KCNT1: variants seen among roughly 807,000 people sequenced by gnomAD.
The protein encoded by KCNT1 is potassium sodium-activated channel subfamily T member 1.
A neutral mutation model predicts 147.8 loss-of-function variants in KCNT1; 78 were observed. The ratio of observed to expected loss-of-function variants is 0.53; its 90% CI spans 0.44 to 0.64. The LOEUF is 0.64. KCNT1 is among the 30% of genes least tolerant of loss of function. The pLI is 0.00. For synonymous variants in KCNT1, 867 were observed against 748.8 expected, an observed-to-expected ratio of 1.16 and a Z score of -2.58; for missense variants, 1,419 against 1,750.3, an observed-to-expected ratio of 0.81 and a Z score of 3.38.
At position 135,794,480 on chromosome 9, in the gene KCNT1, C is replaced by G. The variant is rs1397771303; in HGVS notation, c.*2319C>G. On this transcript the variant is annotated 3_prime_UTR_variant, in exon 31 of 31. Coordinates refer to ENST00000371757, the MANE Select transcript of KCNT1 (RefSeq NM_020822.3). Reference sequence around the variant, plus strand: ...TAATGAGGCCACTTCGGGTCCAGCCCTGGACATCCGAGGAGGAGGCGGGCA... The same window carrying G: ...TAATGAGGCCACTTCGGGTCCAGCCGTGGACATCCGAGGAGGAGGCGGGCA... 6.6e-6 allele frequency: 1 copy of G among 152,270 alleles called. No homozygotes were observed. The highest frequency in any genetic ancestry group is 2.4e-5 in the African/African-American group (1 of 41,474). The allele number at this position is 152,270 out of a possible 1,614,324, so 9.4% of individuals were successfully genotyped here.
At chr9:135,784,492 T>TC in intron 25 of KCNT1, 43 bp from the exon 26 acceptor site, 4 of 138,342 alleles carry the variant, frequency 2.9e-5, no homozygotes, top group South Asian at 6.7e-5. Flanking sequence ...GCTCCCTCCC[T>TC]CCCTCCCTCC....
chr9:135,703,873 GC>G (rs1435599230), intron 1 of KCNT1, among the ~76,000 whole-genome samples: 1 of 152,198 alleles, frequency 6.6e-6, no homozygotes, highest in Non-Finnish European at 1.5e-5. Context: ...CTGCCCACCG[GC>G]CCGGGACAGC....
intron 24 of KCNT1, among the ~76,000 whole-genome samples, chr9:135,781,782 G>T (rs545519293): frequency 6.6e-6 from 1 of 152,156 alleles, no homozygotes; most frequent in South Asian, 2.1e-4. Flanking sequence ...TGGCATACAC[G>T]ACCGTCAGTG....
intron 1 of KCNT1, among the ~76,000 whole-genome samples, chr9:135,703,965 G>T (rs1483448121): frequency 6.6e-6 from 1 of 152,272 alleles, no homozygotes; most frequent in East Asian, 1.9e-4. Flanking sequence ...GCCGCCGGCA[G>T]TGGAGGGATG....
Position 135,772,856 on chromosome 9 carries a change from C to T in KCNT1, c.2150C>T (p.Ala717Val). The T allele has an allele frequency of 6.5e-7, 1 of 1,547,836 alleles. No homozygotes were observed. Among genetic ancestry groups the T allele is most frequent in the Non-Finnish European group, 8.7e-7 (1 of 1,146,456 alleles). ...RPSIAPVLELADSSALLPCDL... is the reference protein window; with the variant it reads ...RPSIAPVLELVDSSALLPCDL... ...AGCATCGCGCCCGTCCTGGAACTGG[C>T]CGACAGCTCAGCCCTGCTGCCCTGC... is the stretch of plus-strand genomic sequence containing the variant. Residue 717 changes from alanine (A) to valine (V), a missense_variant, in exon 19 of 31, where the codon GCC becomes GTC. By Grantham distance (64) the Ala-to-Val change is moderately conservative. Transcript: ENST00000371757.
intron 2 of KCNT1, among the ~76,000 whole-genome samples, chr9:135,731,958 G>GTGTATATATATATATATATATATA (rs1836454651): frequency 2.8e-5 from 1 of 35,562 alleles, no homozygotes; most frequent in South Asian, 1.6e-3. Context: ...TCAAATATGC[G>GTGTATATATATATATATATATATA]TGTATATATA....
Position 135,795,406 on chromosome 9 carries a change from T to G in KCNT1, c.*3245T>G, listed in dbSNP as rs1461450969. 2 of 152,172 alleles carry G rather than the reference T, an allele frequency of 1.3e-5. No individual in the cohort carries two copies. The allele number at this position is 152,172 out of a possible 1,614,324, so 9.4% of individuals were successfully genotyped here. A position where few individuals can be genotyped will look rare whatever the true frequency, so the allele number is the denominator to read the frequency against. The stretch of plus-strand genomic sequence containing the variant: ...CTGCCGTGAGCTGAGATGGCACCAC[T>G]GCACTCCAGCCTGGGTGGCAGAGAG... On this transcript the variant is annotated 3_prime_UTR_variant, in exon 31 of 31. Coordinates refer to ENST00000371757, the MANE Select transcript of KCNT1 (RefSeq NM_020822.3).
chr9:135,727,603 A>G (rs1250155927), intron 2 of KCNT1, among the ~76,000 whole-genome samples: 1 of 152,032 alleles, frequency 6.6e-6, no homozygotes, highest in South Asian at 2.1e-4. Context: ...GACCTCTTCC[A>G]TGCCTGGTGG....
intron 13 of KCNT1, among the ~76,000 whole-genome samples, chr9:135,767,418 T>C (rs1832358961): frequency 2.0e-5 from 3 of 151,978 alleles, no homozygotes; most frequent in Non-Finnish European, 4.4e-5. Flanking sequence ...GACAGTTTCT[T>C]AGACAGCGTC....
rs747671066 is a variant in KCNT1, at chr9:135,771,033, C to T, written c.1946C>T (p.Ser649Leu). The change falls in exon 18 of 31, where the codon TCG (serine) becomes TTG (leucine). Residue 649 changes from serine to leucine, a missense_variant. By Grantham distance (145) the Ser-to-Leu change is moderately radical. Coordinates refer to ENST00000371757, the MANE Select transcript of KCNT1 (RefSeq NM_020822.3). ...QEEKRKKRAF[S>L]GQGLHEGPAR... is the part of the protein sequence containing the mutation. The stretch of plus-strand genomic sequence containing the variant: ...GAGAAGCGGAAGAAGAGGGCCTTCT[C>T]GGGGCAGGGGCTGCACGAGGGTCCG... 46 of 1,613,016 alleles carry T rather than the reference C, an allele frequency of 2.9e-5. No individual in the cohort carries two copies. The highest frequency in any genetic ancestry group is 8.0e-5 in the African/African-American group (6 of 74,922).
intron 23 of KCNT1, among the ~76,000 whole-genome samples, chr9:135,779,113 C>G (rs1416881117): frequency 1.4e-5 from 2 of 146,736 alleles, no homozygotes; most frequent in Admixed American, 1.4e-4. Flanking sequence ...CCCACAGCCA[C>G]GACCACAAGC....
intron 3 of KCNT1, chr9:135,750,708 C>A: frequency 1.7e-6 from 1 of 585,204 alleles, no homozygotes; most frequent in East Asian, 2.8e-5. Flanking sequence ...AAATCCCCTG[C>A]ACCCCAAGTT....
At chr9:135,731,549 C>T (rs1836429760) in intron 2 of KCNT1, among the ~76,000 whole-genome samples, 1 of 151,224 alleles carries the variant, frequency 6.6e-6, no homozygotes. Flanking sequence ...TTTGAGGTGG[C>T]TGTGGTTGTT....
In KCNT1 at chr9:135,742,580, C is replaced by G. The variant is rs557686962; in HGVS notation, c.255-7518C>G. Among the ~76,000 whole-genome samples the G allele has an allele frequency of 3.4e-3, 513 of 150,576 alleles. 1 individual carries two copies. Among genetic ancestry groups the G allele is most frequent in the Admixed American group, 0.01 (152 of 15,012 alleles). ...GACTGCCTCCCACAGGCACCTCTCC[C>G]GTGCCCGGGGGCGCCAAAGGTCCGG... is the stretch of plus-strand genomic sequence containing the variant. On this transcript the variant is annotated intron_variant, in intron 2 of 30. Transcript: ENST00000371757.
intron 2 of KCNT1, among the ~76,000 whole-genome samples, chr9:135,719,962 A>C (rs1420419034): frequency 1.3e-5 from 2 of 152,180 alleles, no homozygotes; most frequent in Non-Finnish European, 2.9e-5. Context: ...TCTGGAGTTG[A>C]GCAACACCAA....
At position 135,773,695 on chromosome 9, in the gene KCNT1, C is replaced by G. The variant is rs551449898; in HGVS notation, c.2243+746C>G. On this transcript the variant is annotated intron_variant, in intron 19 of 30. Coordinates refer to ENST00000371757, the MANE Select transcript of KCNT1 (RefSeq NM_020822.3). ...CCATCCTCAGCGGGGCTGCCTCACT[C>G]TGTCCTGGCCTTTGCCTCTGGGGTG... Among the ~76,000 whole-genome samples, 42 of 152,404 alleles carry G rather than the reference C, an allele frequency of 2.8e-4. 1 individual carries two copies. Among genetic ancestry groups the G allele is most frequent in the Non-Finnish European group, 3.5e-4 (24 of 68,044 alleles).
At chr9:135,773,524 G>A (rs912728374) in intron 19 of KCNT1, among the ~76,000 whole-genome samples, 14 of 152,374 alleles carry the variant, frequency 9.2e-5, no homozygotes, top group African/African-American at 3.1e-4. Context: ...ACCACAGCCC[G>A]TCCTGAGTTG....
intron 2 of KCNT1, among the ~76,000 whole-genome samples, chr9:135,742,581 G>T (rs1032779102): frequency 6.7e-6 from 1 of 150,000 alleles, no homozygotes; most frequent in Non-Finnish European, 1.5e-5. Flanking sequence ...CACCTCTCCC[G>T]TGCCCGGGGG....
chr9:135,770,010 C>G lies in KCNT1; in HGVS notation c.1574C>G (p.Ala525Gly). The change falls in exon 16 of 31, where the codon GCG becomes GGG. Residue 525 changes from alanine to glycine, a missense_variant. Ala to Gly is a moderately conservative substitution (Grantham distance 60). Coordinates refer to ENST00000371757, the MANE Select transcript of KCNT1 (RefSeq NM_020822.3). ...AMLALNCICP[A>G]TSTLITLLVH... ...CTGGCGCTGAACTGCATCTGCCCGG[C>G]GACCTCCACCCTCATCACCCTGCTG... 1 of 1,556,374 alleles carries G rather than the reference C, an allele frequency of 6.4e-7. No homozygotes were observed. The highest frequency in any genetic ancestry group is 8.7e-7 in the Non-Finnish European group (1 of 1,150,312).
Sources: gnomAD v4.1 joint callset for allele counts (sites outside exome capture counted in the v4.1 genomes callset) on GRCh38, gnomAD v4.1.1 for gene constraint, MANE v1.5 for transcripts, NCBI Gene and HGNC (gene_info 2026-07-23, HGNC 2026-07-21) for gene names.